SPOCK3: variants seen among roughly 807,000 people sequenced by gnomAD.
SPOCK3 encodes the protein testican-3.
In SPOCK3, 30 loss-of-function variants were observed where a neutral mutation model predicts 56.6. The ratio of observed to expected loss-of-function variants is 0.53; its 90% confidence interval spans 0.40 to 0.72. The LOEUF is 0.72. SPOCK3 is among the 30% of genes least tolerant of loss of function. The pLI is 0.00. For synonymous variants in SPOCK3, 196 were observed against 183.3 expected (o/e 1.07, Z -0.56); for missense variants, 527 against 530.0 (o/e 0.99, Z 0.06).
chr4:167,162,522 C>T (rs866624427), intron 2 of SPOCK3, among the ~76,000 whole-genome samples: 62 of 152,042 alleles, frequency 4.1e-4, no homozygotes, highest in African/African-American at 1.4e-3. Flanking sequence ...CACATGTGCC[C>T]GATGACTGCT....
intron 4 of SPOCK3, among the ~76,000 whole-genome samples, chr4:166,949,755 G>C (rs1314678356): frequency 6.6e-6 from 1 of 152,108 alleles, no homozygotes; most frequent in African/African-American, 2.4e-5. Context: ...CCCACTACAA[G>C]CCAGAAGAGA....
intron 6 of SPOCK3, among the ~76,000 whole-genome samples, chr4:166,839,809 C>A (rs1004713156): frequency 6.6e-6 from 1 of 152,116 alleles, no homozygotes; most frequent in East Asian, 1.9e-4. Context: ...CCATAAACTG[C>A]CAATCAAATG....
At chr4:167,110,030 G>A (rs1184984511) in intron 2 of SPOCK3, among the ~76,000 whole-genome samples, 2 of 151,858 alleles carry the variant, frequency 1.3e-5, no homozygotes, top group Non-Finnish European at 2.9e-5. Flanking sequence ...CTCTCTCTAG[G>A]GTATTTGCTT....
intron 4 of SPOCK3, among the ~76,000 whole-genome samples, chr4:166,988,622 G>A (rs1747430170): frequency 6.6e-6 from 1 of 152,048 alleles, no homozygotes. Context: ...CTCTGGACAA[G>A]TCAGTTCACA....
At chr4:167,058,330 AT>A (rs989491741) in intron 3 of SPOCK3, among the ~76,000 whole-genome samples, 1 of 152,216 alleles carries the variant, frequency 6.6e-6, no homozygotes, top group Non-Finnish European at 1.5e-5. Context: ...ATGTACAAAA[AT>A]CACAAGCATT....
intron 4 of SPOCK3, among the ~76,000 whole-genome samples, chr4:166,942,795 G>A (rs1273687483): frequency 6.6e-6 from 1 of 152,114 alleles, no homozygotes; most frequent in Non-Finnish European, 1.5e-5. Context: ...CTTAGCAGCT[G>A]TACTGTAAAT....
At chr4:166,977,932 G>A (rs1746138274) in intron 4 of SPOCK3, among the ~76,000 whole-genome samples, 1 of 152,096 alleles carries the variant, frequency 6.6e-6, no homozygotes, top group South Asian at 2.1e-4. Flanking sequence ...ATTCCTATTA[G>A]TAACACAAGC....
At chr4:166,914,008 G>A (rs545621694) in intron 4 of SPOCK3, among the ~76,000 whole-genome samples, 1 of 151,998 alleles carries the variant, frequency 6.6e-6, no homozygotes, top group African/African-American at 2.4e-5. Flanking sequence ...TGAAAAACGT[G>A]GGCTATTCTG....
intron 6 of SPOCK3, among the ~76,000 whole-genome samples, chr4:166,802,571 A>G (rs1376917967): frequency 6.6e-6 from 1 of 152,148 alleles, no homozygotes; most frequent in East Asian, 1.9e-4. Context: ...TTATAAGGGT[A>G]CTAATCAAAT....
intron 3 of SPOCK3, among the ~76,000 whole-genome samples, chr4:167,046,703 C>A (rs1017192079): frequency 6.6e-6 from 1 of 151,964 alleles, no homozygotes; most frequent in African/African-American, 2.4e-5. Context: ...AACCCACCCA[C>A]CTCGGCCTCC....
chr4:167,078,272 G>A (rs951595703), intron 2 of SPOCK3, among the ~76,000 whole-genome samples: 1 of 147,964 alleles, frequency 6.8e-6, no homozygotes, highest in African/African-American at 2.5e-5. Flanking sequence ...CTATGTAATA[G>A]GTAAATGTAT....
At chr4:167,198,209 G>C (rs1020639712) in intron 2 of SPOCK3, among the ~76,000 whole-genome samples, 7 of 152,072 alleles carry the variant, frequency 4.6e-5, no homozygotes, top group African/African-American at 1.7e-4. Flanking sequence ...GATCCATTTG[G>C]TGTTATTAAT....
chr4:167,222,309 G>C (rs1736001645), intron 2 of SPOCK3, among the ~76,000 whole-genome samples: 1 of 151,930 alleles, frequency 6.6e-6, no homozygotes, highest in Non-Finnish European at 1.5e-5. Context: ...AAAATGGGAT[G>C]TGGTTAAATG....
chr4:166,986,778 C>T (rs1747217593), intron 4 of SPOCK3, among the ~76,000 whole-genome samples: 1 of 151,974 alleles, frequency 6.6e-6, no homozygotes. Flanking sequence ...CAACAAATAC[C>T]AGACTATTTG....
chr4:167,056,023 C>A (rs1167810889), intron 3 of SPOCK3, among the ~76,000 whole-genome samples: 3 of 152,250 alleles, frequency 2.0e-5, no homozygotes, highest in Admixed American at 2.0e-4. Flanking sequence ...TGACAGCAGA[C>A]CCCCAAGCAG....
chr4:166,805,145 T>C (rs574592721), intron 6 of SPOCK3, among the ~76,000 whole-genome samples: 1 of 152,088 alleles, frequency 6.6e-6, no homozygotes, highest in Admixed American at 6.6e-5. Context: ...AAAAGGGAAA[T>C]TGAACTACAC....
At chr4:167,011,280 C>T (rs1277095136) in intron 3 of SPOCK3, 3 of 455,882 alleles carry the variant, frequency 6.6e-6, no homozygotes, top group African/African-American at 4.0e-5. Context: ...ACACAAAAAT[C>T]CCCAAATCGT....
intron 4 of SPOCK3, among the ~76,000 whole-genome samples, chr4:166,998,633 T>C (rs1274489357): frequency 1.3e-5 from 2 of 152,144 alleles, no homozygotes; most frequent in African/African-American, 4.8e-5. Context: ...AGACATGATA[T>C]TAACTGCGAC....
chr4:167,169,046 T>C (rs933540147), intron 2 of SPOCK3, among the ~76,000 whole-genome samples: 2 of 152,150 alleles, frequency 1.3e-5, no homozygotes, highest in Non-Finnish European at 1.5e-5. Context: ...AGAATGAGGT[T>C]TGGAAACCTC....
Sources: gnomAD v4.1 joint callset for allele counts (sites outside exome capture counted in the v4.1 genomes callset) on GRCh38, gnomAD v4.1.1 for gene constraint, MANE v1.5 for transcripts, NCBI Gene and HGNC (gene_info 2026-07-23, HGNC 2026-07-21) for gene names.